CDH18: variants seen among roughly 807,000 people sequenced by gnomAD.
CDH18 encodes cadherin-18.
In CDH18, 31 loss-of-function variants were observed where a neutral mutation model predicts 67.9. The observed-to-expected ratio is 0.46, with a 90% CI of 0.34 to 0.62. The LOEUF (loss-of-function observed/expected upper bound fraction) is 0.62. Ranked by LOEUF, CDH18 falls within the 20% of genes least tolerant of loss-of-function variation. CDH18 has a pLI of 0.01. For missense variants in CDH18, 890 were observed against 975.5 expected, an observed-to-expected ratio of 0.91 and a Z score of 1.17; for synonymous variants, 362 against 347.2, an observed-to-expected ratio of 1.04 and a Z score of -0.48.
At chr5:19,534,373 AATGC>A (rs1160579419) in intron 9 of CDH18, among the ~76,000 whole-genome samples, 1 of 152,150 alleles carries the variant, frequency 6.6e-6, no homozygotes, top group East Asian at 1.9e-4. Context: ...TGTGAATGAG[AATGC>A]ATGAACCCAA....
At chr5:19,744,600 A>G (rs549877770) in intron 4 of CDH18, among the ~76,000 whole-genome samples, 1 of 151,616 alleles carries the variant, frequency 6.6e-6, no homozygotes, top group Non-Finnish European at 1.5e-5. Context: ...CTTGACTTTT[A>G]GATCTCTGTT....
At chr5:19,884,954 A>G (rs960214637) in intron 2 of CDH18, among the ~76,000 whole-genome samples, 1 of 152,172 alleles carries the variant, frequency 6.6e-6, no homozygotes, top group Non-Finnish European at 1.5e-5. Context: ...AATTTTTCAC[A>G]CTATCAAGAC....
chr5:19,674,968 A>AT (rs1466240186), intron 5 of CDH18, among the ~76,000 whole-genome samples: 1 of 152,092 alleles, frequency 6.6e-6, no homozygotes, highest in Non-Finnish European at 1.5e-5. Flanking sequence ...GTCCTTTTCT[A>AT]TTTTCCCTAA....
chr5:19,723,054 AT>A (rs923726907), intron 4 of CDH18, among the ~76,000 whole-genome samples: 5 of 151,336 alleles, frequency 3.3e-5, no homozygotes, highest in Non-Finnish European at 5.9e-5. Context: ...AACATGGTGA[AT>A]TTTTTTTTGT....
chr5:20,155,584 C>G (rs942306334), intron 2 of CDH18, among the ~76,000 whole-genome samples: 1 of 151,862 alleles, frequency 6.6e-6, no homozygotes, highest in Non-Finnish European at 1.5e-5. Flanking sequence ...TTAAATAAGT[C>G]CTATTTGTTT....
rs16886348 is a variant in CDH18 at position 20,540,214 on chromosome 5, T to C, written c.-580+35248A>G. Among the ~76,000 whole-genome samples, 1,516 of 152,250 alleles carry C rather than the reference T, an allele frequency of 1.0e-2. 21 individuals carry two copies. Among genetic ancestry groups the C allele is most frequent in the African/African-American group, 0.035 (1,436 of 41,550 alleles). ...TTCTAGCAATACAGACATTTAAGCC[T>C]CATTGTACTTACCCTATAGTTTTGC... On this transcript the variant is annotated intron_variant, in intron 1 of 14. Coordinates refer to the CDH18 transcript ENST00000507958.
intron 1 of CDH18, among the ~76,000 whole-genome samples, chr5:20,291,216 T>C (rs149680747): frequency 1.2e-4 from 18 of 152,218 alleles, no homozygotes; most frequent in Middle Eastern, 3.4e-3. Context: ...TAATTGAGTA[T>C]AAAATTCTGG....
Position 20,081,118 on chromosome 5 carries a change from T to C in CDH18, c.-517-89104A>G, listed in dbSNP as rs1744432516. Among the ~76,000 whole-genome samples the C allele has an allele frequency of 2.6e-5, 4 of 151,470 alleles. No homozygotes were observed. The Admixed American group carries it at 2.6e-4, about 10-fold the overall frequency. On this transcript the variant is annotated intron_variant, in intron 2 of 14. Transcript: ENST00000507958. ...ATTAAGAGATTAAATATGTTTTCTA[T>C]TTGACTGATTAGCATAGGATAATGA...
intron 2 of CDH18, among the ~76,000 whole-genome samples, chr5:19,889,010 T>A (rs886760635): frequency 1.3e-5 from 2 of 152,156 alleles, no homozygotes; most frequent in East Asian, 3.9e-4. Flanking sequence ...AATGACATAG[T>A]ATTTGCACAT....
chr5:19,600,697 T>C (rs540212672), intron 6 of CDH18, among the ~76,000 whole-genome samples: 2 of 152,084 alleles, frequency 1.3e-5, no homozygotes, highest in South Asian at 2.1e-4. Context: ...TGGGGAGAAA[T>C]TTTTTCCTTG....
intron 5 of CDH18, among the ~76,000 whole-genome samples, chr5:19,620,795 T>C (rs1244023694): frequency 6.6e-6 from 1 of 152,134 alleles, no homozygotes; most frequent in Admixed American, 6.6e-5. Flanking sequence ...TTAATAATCA[T>C]ACTGATAAAA....
intron 3 of CDH18, among the ~76,000 whole-genome samples, chr5:19,760,209 C>G (rs1431810249): frequency 3.9e-5 from 6 of 152,112 alleles, no homozygotes; most frequent in Admixed American, 3.9e-4. Flanking sequence ...AGTTGAATAA[C>G]TGCAGTTCCC....
Position 20,006,792 on chromosome 5 carries a change from A to G in CDH18, c.-517-14778T>C, listed in dbSNP as rs1736936266. Among the ~76,000 whole-genome samples the G allele has an allele frequency of 2.0e-5, 3 of 152,108 alleles. No homozygotes were observed. The South Asian group carries it at 6.2e-4, about 31-fold the overall frequency. The stretch of plus-strand genomic sequence containing the variant: ...GTTTAATACATTAATTTTATAAAAT[A>G]TGTTAAAAATCTAATGAAACATTAA... On this transcript the variant is annotated intron_variant, in intron 2 of 14. Transcript: ENST00000507958.
In CDH18 at chr5:20,528,782, GA is replaced by G. The variant is rs1465099445; in HGVS notation, c.-580+46679del. ...AATTTATAGCACTAAATGTCCACAT[GA>G]AAAAGCTGGAAAGATCTCAAACTGA... On this transcript the variant is annotated intron_variant, in intron 1 of 14. Transcript: ENST00000507958. 3.9e-5 allele frequency among the ~76,000 whole-genome samples: 6 copies of G among 151,968 alleles called. No individual in the cohort carries two copies. In the East Asian group the frequency reaches 1.2e-3, roughly 29 times the overall value.
intron 1 of CDH18, among the ~76,000 whole-genome samples, chr5:20,279,281 CA>C (rs1480650617): frequency 6.6e-6 from 1 of 151,894 alleles, no homozygotes; most frequent in Admixed American, 6.6e-5. Flanking sequence ...GACTTAAAGA[CA>C]AAAACTATAA....
chr5:20,104,358 G>A (rs951179404), intron 2 of CDH18, among the ~76,000 whole-genome samples: 2 of 152,114 alleles, frequency 1.3e-5, no homozygotes, highest in African/African-American at 4.8e-5. Context: ...CAGAAAACAT[G>A]AGTCTGAATC....
At chr5:19,691,793 C>G (rs572259239) in intron 5 of CDH18, among the ~76,000 whole-genome samples, 30 of 151,796 alleles carry the variant, frequency 2.0e-4, no homozygotes, top group Non-Finnish European at 4.3e-4. Context: ...GTTGAAATGA[C>G]CATATTACTA....
chr5:20,223,376 T>A (rs1468633149), intron 2 of CDH18, among the ~76,000 whole-genome samples: 3 of 152,320 alleles, frequency 2.0e-5, no homozygotes. Context: ...GCCCTCATTG[T>A]ATCTAGGAAG....
intron 2 of CDH18, among the ~76,000 whole-genome samples, chr5:20,221,224 G>C (rs1054537965): frequency 1.3e-5 from 2 of 152,064 alleles, no homozygotes; most frequent in African/African-American, 2.4e-5. Flanking sequence ...TCCATCAACA[G>C]ATTAATGGAT....
Sources: gnomAD v4.1 joint callset for allele counts (sites outside exome capture counted in the v4.1 genomes callset) on GRCh38, gnomAD v4.1.1 for gene constraint, MANE v1.5 for transcripts, NCBI Gene and HGNC (gene_info 2026-07-23, HGNC 2026-07-21) for gene names.